VWCE: variants seen among roughly 807,000 people sequenced by gnomAD.
VWCE encodes the protein von Willebrand factor C and EGF domain-containing protein.
VWCE carries 68 observed loss-of-function variants against 102.9 expected under a neutral mutation model. The observed-to-expected ratio is 0.66, with a 90% CI of 0.54 to 0.81. The LOEUF is 0.81. Ranked by LOEUF, VWCE falls within the 30% of genes least tolerant of loss-of-function variation. The pLI is 0.00. For missense variants in VWCE, 1,137 were observed against 1,263.6 expected (o/e 0.90, Z 1.52); for synonymous variants, 497 against 515.4 (o/e 0.96, Z 0.48).
chr11:61,267,318 A>G, intron 16 of VWCE, 144 bp downstream of exon 16: 2 of 771,798 alleles, frequency 2.6e-6, no homozygotes, highest in Admixed American at 4.8e-5. Flanking sequence ...CACCCTGGGC[A>G]GGACTGGAGG....
intron 12 of VWCE, 52 bp from the exon 13 acceptor site, chr11:61,273,368 C>T: frequency 6.6e-7 from 1 of 1,526,148 alleles, no homozygotes; most frequent in Non-Finnish European, 8.9e-7. Flanking sequence ...TGCCTGGGGA[C>T]CATGGAGAGC....
rs367914361 is a variant in VWCE, at chr11:61,276,583, T to A, written c.1495+10A>T. The stretch of plus-strand genomic sequence containing the variant: ...AAAAAAAAGCAAAATGCTCCAAGAG[T>A]GTCACTTACCTGGAACACAAGTACA... On this transcript the variant is annotated intron_variant, in intron 11 of 19. Coordinates refer to ENST00000335613, the MANE Select transcript of VWCE (RefSeq NM_152718.2). 5.3e-6 allele frequency: 8 copies of A among 1,503,086 alleles called. No individual in the cohort carries two copies. The highest frequency in any genetic ancestry group is 1.8e-4 in the Middle Eastern group (1 of 5,514). 93.1% of individuals were successfully genotyped at this position (1,503,086 alleles called of 1,614,324 possible).
chr11:61,258,827 G>C lies in VWCE; in HGVS notation c.2716C>G (p.Pro906Ala), dbSNP rs1854263321. ...TEASALSMMDPSPSKTPITLL... is the reference protein window; with the variant it reads ...TEASALSMMDASPSKTPITLL... Reference sequence around the variant, plus strand: ...GTGATGGGGGTCTTCGAGGGGCTGGGGTCCATCATGGAAAGTGCTGAAGCT... The same window carrying C: ...GTGATGGGGGTCTTCGAGGGGCTGGCGTCCATCATGGAAAGTGCTGAAGCT... The change falls in exon 20 of 20, where the codon CCC becomes GCC. Residue 906 changes from proline to alanine, a missense_variant. Physicochemically the swap from Pro to Ala is conservative, Grantham distance 27. Transcript: ENST00000335613. 2 of 1,511,398 alleles carry C rather than the reference G, an allele frequency of 1.3e-6. No individual in the cohort carries two copies. Among genetic ancestry groups the C allele is most frequent in the Admixed American group, 4.6e-5 (2 of 43,582 alleles). 93.6% of individuals were successfully genotyped at this position (1,511,398 alleles called of 1,614,324 possible). A position where few individuals can be genotyped will look rare whatever the true frequency, so the allele number is the denominator to read the frequency against.
At chr11:61,272,859 C>A (rs1001753461) in intron 13 of VWCE, among the ~76,000 whole-genome samples, 1 of 151,830 alleles carries the variant, frequency 6.6e-6, no homozygotes, top group Admixed American at 6.6e-5. Flanking sequence ...CACAAAAACA[C>A]AGACACATAC....
intron 10 of VWCE, among the ~76,000 whole-genome samples, chr11:61,277,706 C>T (rs749390484): frequency 9.8e-5 from 15 of 152,288 alleles, no homozygotes; most frequent in African/African-American, 3.6e-4. Context: ...TCTGCCACCT[C>T]CCACCCTCTG....
In VWCE at chr11:61,295,273, C is replaced by CT. The variant is rs1388297096; in HGVS notation, c.-237_-236insA. The CT allele has an allele frequency of 1.3e-4, 46 of 360,468 alleles. No homozygotes were observed. Among genetic ancestry groups the CT allele is most frequent in the Non-Finnish European group, 2.2e-4 (44 of 201,872 alleles). 22.3% of individuals were successfully genotyped at this position (360,468 alleles called of 1,614,324 possible). A position where few individuals can be genotyped will look rare whatever the true frequency, so the allele number is the denominator to read the frequency against. Reference sequence around the variant, plus strand: ...CTCTGGCACCTCGAAGCGAAACACACAAAGGCAACGCCGCCCGCCTGCTGA... The same window carrying CT: ...CTCTGGCACCTCGAAGCGAAACACACTAAAGGCAACGCCGCCCGCCTGCTGA... On this transcript the variant is annotated 5_prime_UTR_variant, in exon 1 of 20. Coordinates refer to ENST00000335613, the MANE Select transcript of VWCE (RefSeq NM_152718.2). This position sits in a 1 kb window ranked among gnomAD's most constrained non-coding sequence, Gnocchi z 4.6.
At chr11:61,269,098 C>A in intron 14 of VWCE, 80 bp from the exon 15 acceptor site, 1 of 1,367,296 alleles carries the variant, frequency 7.3e-7, no homozygotes, top group South Asian at 1.2e-5. Flanking sequence ...GAAACAGCAA[C>A]GCTGCAAACT....
chr11:61,289,031 G>A (rs1053306530), intron 4 of VWCE, among the ~76,000 whole-genome samples: 8 of 151,624 alleles, frequency 5.3e-5, no homozygotes, highest in African/African-American at 1.9e-4. Context: ...TAGAGACGGG[G>A]TTTCACCATG....
rs903385433 is a variant in VWCE at position 61,267,640 on chromosome 11, G to A, written c.1883-96C>T. The A allele has an allele frequency of 1.4e-5, 17 of 1,198,898 alleles. No individual in the cohort carries two copies. The African/African-American group carries it at 1.7e-4, about 12-fold the overall frequency. The allele number at this position is 1,198,898 out of a possible 1,614,324, so 74.3% of individuals were successfully genotyped here. On this transcript the variant is annotated intron_variant, in intron 15 of 19. Coordinates refer to ENST00000335613, the MANE Select transcript of VWCE (RefSeq NM_152718.2). ...GTCACAGGCTTATCTGGATGGCAAA[G>A]GGGAGGCCATGTGCCTCCCCAGGCA...
At chr11:61,286,119 G>A (rs1855312293) in intron 5 of VWCE, 195 bp downstream of exon 5, 2 of 641,228 alleles carry the variant, frequency 3.1e-6, no homozygotes, top group East Asian at 2.6e-5. Context: ...TCTTACTAAC[G>A]ACTTGGCCTT....
At chr11:61,264,371 C>T in intron 19 of VWCE, 116 bp downstream of exon 19, 1 of 1,063,434 alleles carries the variant, frequency 9.4e-7, no homozygotes, top group Non-Finnish European at 1.4e-6. Context: ...GAGCCGTGTT[C>T]CCTCTCTGAA....
intron 5 of VWCE, 108 bp downstream of exon 5, chr11:61,286,206 A>G: frequency 1.9e-6 from 2 of 1,076,296 alleles, no homozygotes; most frequent in East Asian, 4.8e-5. Context: ...GTGAAGGTTC[A>G]ATGCAGTGGC....
At chr11:61,268,183 A>G (rs1427752641) in intron 15 of VWCE, among the ~76,000 whole-genome samples, 1 of 151,984 alleles carries the variant, frequency 6.6e-6, no homozygotes, top group African/African-American at 2.4e-5. Flanking sequence ...CTAGAAGGAC[A>G]TAAACACAAA....
At position 61,294,549 on chromosome 11, in the gene VWCE, C is replaced by A. The variant is rs561756704; in HGVS notation, c.110+379G>T. On this transcript the variant is annotated intron_variant, in intron 1 of 19. Coordinates refer to ENST00000335613, the MANE Select transcript of VWCE (RefSeq NM_152718.2). This position sits in a 1 kb window ranked among gnomAD's most constrained non-coding sequence, Gnocchi z 6.3. The stretch of plus-strand genomic sequence containing the variant: ...GGAAAGCCCCGCGCGGCAGGGGAGG[C>A]CAGGCGCTGCCCGGGCAGAGCCACG... Among the ~76,000 whole-genome samples the A allele has an allele frequency of 2.8e-4, 43 of 152,258 alleles. No individual in the cohort carries two copies. The highest frequency in any genetic ancestry group is 9.1e-4 in the African/African-American group (38 of 41,568).
At chr11:61,279,229 C>A (rs538770722) in intron 9 of VWCE, among the ~76,000 whole-genome samples, 1 of 152,094 alleles carries the variant, frequency 6.6e-6, no homozygotes, top group Non-Finnish European at 1.5e-5. Context: ...CCCAATACTT[C>A]GCACTCAAGA....
intron 1 of VWCE, among the ~76,000 whole-genome samples, chr11:61,292,353 C>T (rs1855532633): frequency 6.6e-6 from 1 of 152,178 alleles, no homozygotes; most frequent in South Asian, 2.1e-4. Context: ...CCTTACCTTG[C>T]TTTATTCTCC....
chr11:61,280,530 T>A, intron 9 of VWCE, 94 bp downstream of exon 9: 7 of 1,250,910 alleles, frequency 5.6e-6, no homozygotes, highest in Non-Finnish European at 7.9e-6. Flanking sequence ...GAGATTCTAA[T>A]GTATGCTAAT....
intron 19 of VWCE, 84 bp downstream of exon 19, chr11:61,264,403 C>G: frequency 7.4e-7 from 1 of 1,355,738 alleles, no homozygotes; most frequent in South Asian, 1.3e-5. Context: ...CTTATCCAGC[C>G]CTTTACAAGT....
At chr11:61,264,347 G>T in intron 19 of VWCE, 140 bp downstream of exon 19, 1 of 775,258 alleles carries the variant, frequency 1.3e-6, no homozygotes, top group Non-Finnish European at 2.1e-6. Context: ...CAGCACAGCT[G>T]TACAACCTTG....
Sources: gnomAD v4.1 joint callset for allele counts (sites outside exome capture counted in the v4.1 genomes callset) on GRCh38, gnomAD v4.1.1 for gene constraint, Gnocchi (gnomAD v3.1) non-coding constraint, MANE v1.5 for transcripts, NCBI Gene and HGNC (gene_info 2026-07-23, HGNC 2026-07-21) for gene names.